The following SLC9A5 variants were observed in gnomAD, a reference collection of about 807,000 sequenced individuals.
The protein encoded by SLC9A5 is solute carrier family 9 member A5.
Under a neutral mutation model 91.7 loss-of-function variants are expected in SLC9A5, and 52 were observed. The ratio of observed to expected loss-of-function variants is 0.57; its 90% CI spans 0.45 to 0.71. The LOEUF is 0.71. SLC9A5 is among the 30% of genes least tolerant of loss of function. The probability of loss-of-function intolerance (pLI) is 0.00; values close to 1 mark genes in which losing one functional copy is unlikely to be tolerated. For missense variants in SLC9A5, 871 were observed against 1,158.9 expected, an observed-to-expected ratio of 0.75 and a Z score of 3.61; for synonymous variants, 419 against 474.5, an observed-to-expected ratio of 0.88 and a Z score of 1.52.
At chr16:67,254,257 A>G (rs1283235228) in intron 2 of SLC9A5, among the ~76,000 whole-genome samples, 1 of 152,174 alleles carries the variant, frequency 6.6e-6, no homozygotes, top group African/African-American at 2.4e-5. Flanking sequence ...ATTGTGTCAC[A>G]TCCCTTTGGC....
In SLC9A5 at chr16:67,270,822, A is replaced by T; in HGVS notation, c.2303A>T (p.Gln768Leu). The change falls in exon 16 of 16, where the codon CAG becomes CTG. Residue 768 changes from glutamine to leucine, a missense_variant. This residue lies in a region of SLC9A5 where 295 missense variants were observed against 326.0 expected (regional missense o/e 0.90). Transcript: ENST00000299798. This position sits in a 1 kb window ranked among gnomAD's most constrained non-coding sequence, Gnocchi z 4.3. Reference protein sequence around the residue: ...AEKELPWKSGQGDLAVYVSSE... With the variant: ...AEKELPWKSGLGDLAVYVSSE... ...AAGGAGCTCCCCTGGAAGAGTGGGCAGGGGGACCTGGCAGTGTACGTGTCC... is the reference window on the plus strand; with the variant it reads ...AAGGAGCTCCCCTGGAAGAGTGGGCTGGGGGACCTGGCAGTGTACGTGTCC... The T allele has an allele frequency of 1.9e-6, 3 of 1,614,116 alleles. No individual in the cohort carries two copies. The highest frequency in any genetic ancestry group is 2.5e-6 in the Non-Finnish European group (3 of 1,179,990).
At position 67,256,375 on chromosome 16, in the gene SLC9A5, T is replaced by C; in HGVS notation, c.912-94T>C. 1.2e-6 allele frequency: 1 copy of C among 842,704 alleles called. No homozygotes were observed. Among genetic ancestry groups the C allele is most frequent in the Non-Finnish European group, 2.0e-6 (1 of 507,388 alleles). The allele number at this position is 842,704 out of a possible 1,614,324, so 52.2% of individuals were successfully genotyped here. On this transcript the variant is annotated intron_variant, in intron 5 of 15. Transcript: ENST00000299798. The surrounding 1 kb of genome is among the most constrained non-coding windows in gnomAD (Gnocchi z 4.1). ...GCTCTGAGAGTCTGACATCCTGTAA[T>C]GGGCAATGCCCCCTCCTGCAGTATG...
At position 67,255,165 on chromosome 16, in the gene SLC9A5, T is replaced by C; in HGVS notation, c.635T>C (p.Leu212Pro). Reference protein sequence around the residue: ...LFIIVFGESLLNDAVTVVLYK... With the variant: ...LFIIVFGESLPNDAVTVVLYK... ...ATCATCGTCTTTGGCGAGTCCCTGCTCAACGATGCTGTCACCGTGGTGAGC... is the reference window on the plus strand; with the variant it reads ...ATCATCGTCTTTGGCGAGTCCCTGCCCAACGATGCTGTCACCGTGGTGAGC... Residue 212 changes from leucine (L) to proline (P), a missense_variant, in exon 3 of 16, where the codon CTC (leucine) becomes CCC (proline). By Grantham distance (98) the Leu-to-Pro change is moderately conservative. Around this residue, in one of 3 missense-constraint regions of SLC9A5, gnomAD observed 454 missense variants for 718.3 expected, o/e 0.63. Coordinates refer to ENST00000299798, the MANE Select transcript of SLC9A5 (RefSeq NM_004594.3). This position sits in a 1 kb window ranked among gnomAD's most constrained non-coding sequence, Gnocchi z 4.9. 6.2e-7 allele frequency: 1 copy of C among 1,613,860 alleles called. No homozygotes were observed. Among genetic ancestry groups the C allele is most frequent in the Non-Finnish European group, 8.5e-7 (1 of 1,179,822 alleles).
In SLC9A5 at chr16:67,266,113, T is replaced by TGAG. The variant is rs770521682; in HGVS notation, c.2122_2124dup (p.Glu708dup). 25 of 1,609,766 alleles carry TGAG rather than the reference T, an allele frequency of 1.6e-5. No individual in the cohort carries two copies. The highest frequency in any genetic ancestry group is 3.4e-5 in the Admixed American group (2 of 59,512). ...CTGCTGTGATATTAACCGTGGAGTCTGAGGAGGAGGAGGAGGAGAGCGACA... is the reference window on the plus strand; with the variant it reads ...CTGCTGTGATATTAACCGTGGAGTCTGAGGAGGAGGAGGAGGAGGAGAGCGACA... On this transcript the variant is annotated inframe_insertion, in exon 15 of 16. Transcript: ENST00000299798.
In SLC9A5 at chr16:67,259,679, T is replaced by G. The variant is rs1466742343; in HGVS notation, c.1715+18T>G. The G allele has an allele frequency of 6.2e-7, 1 of 1,611,008 alleles. No individual in the cohort carries two copies. Among genetic ancestry groups the G allele is most frequent in the Admixed American group, 1.7e-5 (1 of 60,018 alleles). ...AACCTGCTGTGAGTCCTTGAGCCCCTTCCCCTTCCTCATACTCCTCTCCAT... is the reference window on the plus strand; with the variant it reads ...AACCTGCTGTGAGTCCTTGAGCCCCGTCCCCTTCCTCATACTCCTCTCCAT... On this transcript the variant is annotated intron_variant, in intron 11 of 15. Coordinates refer to ENST00000299798, the MANE Select transcript of SLC9A5 (RefSeq NM_004594.3).
chr16:67,253,720 G>A (rs1189525064), intron 2 of SLC9A5, among the ~76,000 whole-genome samples: 3 of 152,008 alleles, frequency 2.0e-5, no homozygotes, highest in Non-Finnish European at 2.9e-5. Flanking sequence ...ATGGGGTTTC[G>A]CCATGTTGGC....
At chr16:67,249,475 C>T (rs1468974310) in intron 1 of SLC9A5, among the ~76,000 whole-genome samples, 4 of 152,192 alleles carry the variant, frequency 2.6e-5, no homozygotes, top group Non-Finnish European at 4.4e-5. Flanking sequence ...TTGCCCTCTC[C>T]GCTCCCCTCT....
intron 2 of SLC9A5, among the ~76,000 whole-genome samples, chr16:67,253,450 G>A (rs1386531510): frequency 6.6e-6 from 1 of 152,058 alleles, no homozygotes; most frequent in Non-Finnish European, 1.5e-5. Flanking sequence ...ATTTACACAT[G>A]AGGAAATAGA....
chr16:67,264,020 A>G (rs1012847680), intron 12 of SLC9A5, among the ~76,000 whole-genome samples: 1 of 152,214 alleles, frequency 6.6e-6, no homozygotes, highest in Non-Finnish European at 1.5e-5. Context: ...GGAGGTACAA[A>G]GAAAATGTCC....
rs962311823 is a variant in SLC9A5 at position 67,259,768 on chromosome 16, C to T, written c.1716-52C>T. On this transcript the variant is annotated intron_variant, in intron 11 of 15. Coordinates refer to ENST00000299798, the MANE Select transcript of SLC9A5 (RefSeq NM_004594.3). ...CAGCACCTTTTCATCTGCCCTTCTC[C>T]TGGACTGCCTCCTGCCCCCTCTCCA... 3.3e-5 allele frequency: 53 copies of T among 1,603,022 alleles called. No homozygotes were observed. The Admixed American group carries it at 7.5e-4, about 23-fold the overall frequency.
Position 67,252,628 on chromosome 16 carries a change from T to C in SLC9A5, c.274T>C (p.Leu92=). 8 of 1,614,204 alleles carry C rather than the reference T, an allele frequency of 5.0e-6. No individual in the cohort carries two copies. The highest frequency in any genetic ancestry group is 6.8e-6 in the Non-Finnish European group (8 of 1,180,044). The change falls in exon 2 of 16, where the codon TTG becomes CTG. Residue 92 remains leucine (L), a synonymous_variant. Coordinates refer to ENST00000299798, the MANE Select transcript of SLC9A5 (RefSeq NM_004594.3). The surrounding 1 kb of genome is among the most constrained non-coding windows in gnomAD (Gnocchi z 4.0). ...LLGLVLGGIV[L]AVAKKAEYQL... Reference sequence around the variant, plus strand: ...GGGCCTGGTGCTAGGGGGAATTGTTTTGGCTGTGGCCAAGAAAGCTGAGTA... The same window carrying C: ...GGGCCTGGTGCTAGGGGGAATTGTTCTGGCTGTGGCCAAGAAAGCTGAGTA...
intron 2 of SLC9A5, among the ~76,000 whole-genome samples, 158 bp from the exon 3 acceptor site, chr16:67,254,860 TCTC>T (rs1001730108): frequency 2.0e-5 from 3 of 152,174 alleles, no homozygotes; most frequent in Non-Finnish European, 4.4e-5. Context: ...TTGACTGAAG[TCTC>T]CTGATCTGCA....
chr16:67,256,962 A>G lies in SLC9A5; in HGVS notation c.1184A>G (p.Asp395Gly). ...VLNQFRLVPL[D>G]KIDQVVMSYG... is the part of the protein sequence containing the mutation. The stretch of plus-strand genomic sequence containing the variant: ...AATCAGTTCCGGCTAGTCCCTCTGG[A>G]CAAGATTGACCAAGTGGTGATGTCC... Residue 395 changes from aspartate to glycine, a missense_variant, in exon 7 of 16, where the codon GAC becomes GGC. Physicochemically the swap from Asp to Gly is moderately conservative, Grantham distance 94. Transcript: ENST00000299798. This position sits in a 1 kb window ranked among gnomAD's most constrained non-coding sequence, Gnocchi z 4.1. 1 of 1,614,158 alleles carries G rather than the reference A, an allele frequency of 6.2e-7. No homozygotes were observed. Among genetic ancestry groups the G allele is most frequent in the Non-Finnish European group, 8.5e-7 (1 of 1,180,042 alleles).
At chr16:67,264,304 G>C in intron 12 of SLC9A5, 48 bp from the exon 13 acceptor site, 1 of 1,580,694 alleles carries the variant, frequency 6.3e-7, no homozygotes, top group Non-Finnish European at 8.7e-7. Flanking sequence ...GTTCTTGTGG[G>C]AGGCCAAGGC....
intron 12 of SLC9A5, among the ~76,000 whole-genome samples, chr16:67,260,354 CAAAAAAAA>C (rs397932908): frequency 4.5e-4 from 15 of 33,468 alleles, no homozygotes; most frequent in African/African-American, 2.5e-3. Flanking sequence ...GACTCCATCT[CAAAAAAAA>C]AAAAAAAAAA....
Position 67,271,440 on chromosome 16 carries a change from A to G in SLC9A5, c.*230A>G. On this transcript the variant is annotated 3_prime_UTR_variant, in exon 16 of 16. Transcript: ENST00000299798. ...CACTTTCTGTTTCATTAAGGCCTCT[A>G]CTCTGGCTCAGGACCCAGTCCAGGC... 1.7e-6 allele frequency: 1 copy of G among 573,214 alleles called. No homozygotes were observed. 35.5% of individuals were successfully genotyped at this position (573,214 alleles called of 1,614,324 possible). A position where few individuals can be genotyped will look rare whatever the true frequency, so the allele number is the denominator to read the frequency against.
Position 67,249,101 on chromosome 16 carries a change from G to C in SLC9A5, c.87G>C (p.Glu29Asp). The change falls in exon 1 of 16, where the codon GAG becomes GAC. Residue 29 changes from glutamate (E) to aspartate (D), a missense_variant. Physicochemically the swap from Glu to Asp is conservative, Grantham distance 45. Around this residue, in one of 3 missense-constraint regions of SLC9A5, gnomAD observed 122 missense variants for 114.5 expected, o/e 1.07. Transcript: ENST00000299798. ...EPTQKPESPG[E>D]PPPGLELFRW... is the part of the protein sequence containing the mutation. ...CCCAGAAGCCAGAGTCCCCGGGCGA[G>C]CCTCCCCCAGGCTTAGAGCTCTTCC... is the stretch of plus-strand genomic sequence containing the variant. The C allele has an allele frequency of 6.5e-7, 1 of 1,542,632 alleles. No homozygotes were observed. Among genetic ancestry groups the C allele is most frequent in the Non-Finnish European group, 8.7e-7 (1 of 1,151,050 alleles).
intron 12 of SLC9A5, chr16:67,262,830 G>T (rs867401119): frequency 5.7e-5 from 9 of 158,902 alleles, no homozygotes; most frequent in South Asian, 1.9e-4. Context: ...AAGAGGGCTG[G>T]ATGCTGCGCA....
Position 67,265,028 on chromosome 16 carries a change from C to A in SLC9A5, c.2014-12C>A. ...GGGGCCAGAGGCTCAGGTTTTCTTT[C>A]TTGGTCCTCAGAAGGATGGTGTGGC... On this transcript the variant is annotated splice_polypyrimidine_tract_variant and intron_variant, in intron 13 of 15. Transcript: ENST00000299798. 6.2e-7 allele frequency: 1 copy of A among 1,614,092 alleles called. No homozygotes were observed. The highest frequency in any genetic ancestry group is 8.5e-7 in the Non-Finnish European group (1 of 1,179,994).
Sources: gnomAD v4.1 joint callset for allele counts (sites outside exome capture counted in the v4.1 genomes callset) on GRCh38, gnomAD v4.1.1 for gene constraint, gnomAD v4.1.1 regional missense constraint, Gnocchi (gnomAD v3.1) non-coding constraint, MANE v1.5 for transcripts, NCBI Gene and HGNC (gene_info 2026-07-23, HGNC 2026-07-21) for gene names.